The following NELL1 variants were observed in gnomAD, a reference collection of about 807,000 sequenced individuals.
The protein encoded by NELL1 is protein kinase C-binding protein NELL1.
A neutral mutation model predicts 107.4 loss-of-function variants in NELL1; 76 were observed. The ratio of observed to expected loss-of-function variants is 0.71; its 90% CI spans 0.59 to 0.86. The LOEUF (loss-of-function observed/expected upper bound fraction) is 0.86. Among genes scored for constraint, NELL1 ranks in the 40% least tolerant of loss-of-function variants. The pLI, the probability that NELL1 is intolerant of heterozygous loss-of-function variation, is 0.00. For synonymous variants in NELL1, 353 were observed against 341.2 expected (o/e 1.03, Z -0.38); for missense variants, 1,024 against 1,005.5 (o/e 1.02, Z -0.25).
In NELL1 at chr11:21,138,469, G is replaced by A. The variant is rs150994848; in HGVS notation, c.1426+24755G>A. Among the ~76,000 whole-genome samples, 202 of 152,252 alleles carry A rather than the reference G, an allele frequency of 1.3e-3. 1 individual carries two copies. Among genetic ancestry groups the A allele is most frequent in the African/African-American group, 4.6e-3 (193 of 41,564 alleles). On this transcript the variant is annotated intron_variant, in intron 13 of 19. Transcript: ENST00000357134. ...ACACGTCAACAAGAAAATAAAAAGT[G>A]AACACATGGTTTGTTTTGACCTAAA...
chr11:21,180,732 C>T (rs1237742298), intron 13 of NELL1, among the ~76,000 whole-genome samples: 2 of 151,604 alleles, frequency 1.3e-5, no homozygotes, highest in Non-Finnish European at 2.9e-5. Context: ...GTGAGTTTCC[C>T]TGTTCCTTTA....
chr11:21,215,320 CTG>C (rs1320391806), intron 13 of NELL1, among the ~76,000 whole-genome samples: 1 of 152,196 alleles, frequency 6.6e-6, no homozygotes, highest in Non-Finnish European at 1.5e-5. Context: ...CCATACTGAA[CTG>C]TGAGTAAATT....
At chr11:21,312,099 C>G (rs960492275) in intron 14 of NELL1, among the ~76,000 whole-genome samples, 4 of 152,100 alleles carry the variant, frequency 2.6e-5, no homozygotes, top group African/African-American at 9.7e-5. Flanking sequence ...TTCCCAGCCT[C>G]CAGAGAATTC....
At chr11:20,798,297 C>T (rs1253432602) in intron 3 of NELL1, among the ~76,000 whole-genome samples, 2 of 152,116 alleles carry the variant, frequency 1.3e-5, no homozygotes, top group Admixed American at 6.5e-5. Flanking sequence ...TAATTGAAGC[C>T]AAGAAGTATC....
chr11:20,960,561 G>C lies in NELL1; in HGVS notation c.1300+1G>C, dbSNP rs769996610. On this transcript the variant is annotated splice_donor_variant, in intron 12 of 19. Coordinates refer to ENST00000357134, the MANE Select transcript of NELL1 (RefSeq NM_006157.5). LOFTEE classifies it high-confidence loss of function. ...CAGGGAGACTCTGCCTACTGTGAAGGTAAGTAAGCTATTTAATGAAGTCAC... is the reference window on the plus strand; with the variant it reads ...CAGGGAGACTCTGCCTACTGTGAAGCTAAGTAAGCTATTTAATGAAGTCAC... The C allele has an allele frequency of 6.2e-7, 1 of 1,613,784 alleles. No individual in the cohort carries two copies. Among genetic ancestry groups the C allele is most frequent in the Non-Finnish European group, 8.5e-7 (1 of 1,179,754 alleles).
At chr11:21,081,591 A>G (rs1033496128) in intron 12 of NELL1, among the ~76,000 whole-genome samples, 4 of 152,108 alleles carry the variant, frequency 2.6e-5, no homozygotes, top group African/African-American at 9.7e-5. Flanking sequence ...CGTCCCTCCA[A>G]TTTGAACACT....
intron 2 of NELL1, among the ~76,000 whole-genome samples, chr11:20,781,759 T>A (rs1415016615): frequency 6.6e-6 from 1 of 151,584 alleles, no homozygotes; most frequent in African/African-American, 2.4e-5. Flanking sequence ...TAGGGTGCAG[T>A]GGCTCACACT....
At chr11:20,827,270 GC>G (rs1857904627) in intron 3 of NELL1, among the ~76,000 whole-genome samples, 1 of 151,386 alleles carries the variant, frequency 6.6e-6, no homozygotes, top group Non-Finnish European at 1.5e-5. Context: ...TTGTGCCAAA[GC>G]TCTGTAGATA....
intron 12 of NELL1, among the ~76,000 whole-genome samples, chr11:20,979,206 A>T (rs1028552333): frequency 1.3e-4 from 20 of 152,214 alleles, no homozygotes; most frequent in African/African-American, 4.8e-4. Context: ...CCTTCAGCTC[A>T]TTTAGTAAGG....
At chr11:21,198,649 G>A (rs1857203773) in intron 13 of NELL1, among the ~76,000 whole-genome samples, 1 of 152,122 alleles carries the variant, frequency 6.6e-6, no homozygotes, top group Non-Finnish European at 1.5e-5. Flanking sequence ...GCTCTGTCCT[G>A]CATTTCCATC....
intron 2 of NELL1, among the ~76,000 whole-genome samples, chr11:20,742,133 A>G (rs558203391): frequency 2.0e-5 from 3 of 152,308 alleles, no homozygotes; most frequent in South Asian, 4.1e-4. Context: ...AGGACTTTGC[A>G]GTAAGAAGGG....
At chr11:21,398,338 C>A (rs938723989) in intron 15 of NELL1, among the ~76,000 whole-genome samples, 1 of 151,654 alleles carries the variant, frequency 6.6e-6, no homozygotes, top group Non-Finnish European at 1.5e-5. Context: ...AAATATGACA[C>A]GTATTGTTCC....
chr11:20,863,746 C>G (rs1849038254), intron 4 of NELL1, among the ~76,000 whole-genome samples: 1 of 152,168 alleles, frequency 6.6e-6, no homozygotes, highest in South Asian at 2.1e-4. Flanking sequence ...CTCTGGGAGG[C>G]CAAGGCAGGC....
At chr11:20,749,956 A>T (rs939462675) in intron 2 of NELL1, among the ~76,000 whole-genome samples, 6 of 152,072 alleles carry the variant, frequency 3.9e-5, no homozygotes, top group African/African-American at 1.4e-4. Context: ...TATTTTGGGT[A>T]AATATTTAGG....
chr11:20,880,018 A>T (rs1011878100), intron 4 of NELL1, among the ~76,000 whole-genome samples: 19 of 151,602 alleles, frequency 1.3e-4, no homozygotes, highest in Admixed American at 3.3e-4. Flanking sequence ...ACAGAAATGA[A>T]TTTTTTTTTC....
chr11:21,032,052 T>TAAC (rs1852972804), intron 12 of NELL1, among the ~76,000 whole-genome samples: 1 of 130,976 alleles, frequency 7.6e-6, no homozygotes, highest in Non-Finnish European at 1.5e-5. Flanking sequence ...GTCAAAATAA[T>TAAC]AATAATAATA....
intron 3 of NELL1, among the ~76,000 whole-genome samples, chr11:20,790,132 C>A (rs2133989862): frequency 6.6e-6 from 1 of 152,314 alleles, no homozygotes; most frequent in East Asian, 1.9e-4. Context: ...ATCAGGCCCT[C>A]CCTGGCCTGA....
At chr11:21,476,365 T>G (rs926091318) in intron 15 of NELL1, among the ~76,000 whole-genome samples, 1 of 152,132 alleles carries the variant, frequency 6.6e-6, no homozygotes, top group South Asian at 2.1e-4. Flanking sequence ...ACTGAATGAT[T>G]TGGCACTGCT....
intron 13 of NELL1, 60 bp from the exon 14 acceptor site, chr11:21,229,272 A>C (rs1857978565): frequency 6.3e-7 from 1 of 1,592,236 alleles, no homozygotes. Flanking sequence ...TACATTTCCC[A>C]ATACCAGTAA....
Sources: allele counts gnomAD v4.1 joint callset (sites outside exome capture counted in the v4.1 genomes callset), GRCh38; gene constraint gnomAD v4.1.1; transcripts MANE v1.5; gene names NCBI Gene and HGNC (gene_info 2026-07-23, HGNC 2026-07-21).